The following CLCN2 variants were observed in gnomAD, a reference collection of about 807,000 sequenced individuals.
CLCN2 encodes the protein chloride voltage-gated channel 2.
In CLCN2, 72 loss-of-function variants were observed where a neutral mutation model predicts 108.3. The ratio of observed to expected loss-of-function variants is 0.66; its 90% CI spans 0.55 to 0.81. The LOEUF (loss-of-function observed/expected upper bound fraction) is 0.81, where lower values mean the gene tolerates loss of function less well. CLCN2 is among the 30% of genes least tolerant of loss of function. The probability of loss-of-function intolerance (pLI) is 0.00; values close to 1 mark genes in which losing one functional copy is unlikely to be tolerated. For missense variants in CLCN2, 1,048 were observed against 1,205.2 expected, an observed-to-expected ratio of 0.87 and a Z score of 1.93; for synonymous variants, 471 against 467.1, an observed-to-expected ratio of 1.01 and a Z score of -0.11.
chr3:184,355,636 G>C lies in CLCN2; in HGVS notation c.1170+58C>G. The C allele has an allele frequency of 6.2e-7, 1 of 1,604,600 alleles. No homozygotes were observed. The highest frequency in any genetic ancestry group is 8.5e-7 in the Non-Finnish European group (1 of 1,171,406). ...TCCCACAGTCACACTGGGGCTGTTG[G>C]CTTTGGAGGAATGCCTTCCAAGGGA... is the stretch of plus-strand genomic sequence containing the variant. On this transcript the variant is annotated intron_variant, in intron 11 of 23. Coordinates refer to ENST00000265593, the MANE Select transcript of CLCN2 (RefSeq NM_004366.6). The surrounding 1 kb of genome is among the most constrained non-coding windows in gnomAD (Gnocchi z 6.3).
chr3:184,346,846 C>T lies in CLCN2; in HGVS notation c.2503-46G>A. The T allele has an allele frequency of 6.2e-7, 1 of 1,612,916 alleles. No homozygotes were observed. The highest frequency in any genetic ancestry group is 8.5e-7 in the Non-Finnish European group (1 of 1,178,912). Reference sequence around the variant, plus strand: ...GATGTCTGGACCCAGATGTCAGACTCCTCCCCGCCTTCCTCCCCAGGTGAG... The same window carrying T: ...GATGTCTGGACCCAGATGTCAGACTTCTCCCCGCCTTCCTCCCCAGGTGAG... On this transcript the variant is annotated intron_variant, in intron 23 of 23. Transcript: ENST00000265593. This position sits in a 1 kb window ranked among gnomAD's most constrained non-coding sequence, Gnocchi z 6.0.
intron 10 of CLCN2, chr3:184,356,299 C>T (rs1728539614): frequency 5.2e-6 from 1 of 192,332 alleles, no homozygotes; most frequent in Admixed American, 5.3e-5. Flanking sequence ...GCCCTCCCCA[C>T]TCCCAATCCT....
rs748398635 is a variant in CLCN2, at chr3:184,357,288, G to A, written c.899-22C>T. 3.1e-6 allele frequency: 5 copies of A among 1,614,034 alleles called. No individual in the cohort carries two copies. In the South Asian group the frequency reaches 4.4e-5, roughly 14 times the overall value. On this transcript the variant is annotated intron_variant, in intron 8 of 23. Transcript: ENST00000265593. The stretch of plus-strand genomic sequence containing the variant: ...GTCTCTAAAGGGAAGAACAGCAGAG[G>A]GAGGCAGGCCTAGCCTCGTGGGCCC...
chr3:184,359,223 GC>G (rs1427036823), intron 1 of CLCN2, 92 bp from the exon 2 acceptor site: 1 of 1,461,606 alleles, frequency 6.8e-7, no homozygotes, highest in Non-Finnish European at 9.6e-7. Context: ...TCTTCTCCCA[GC>G]CCCCACACTG....
chr3:184,355,816 A>G lies in CLCN2; in HGVS notation c.1086-38T>C. 1 of 1,576,636 alleles carries G rather than the reference A, an allele frequency of 6.3e-7. No homozygotes were observed. The highest frequency in any genetic ancestry group is 8.7e-7 in the Non-Finnish European group (1 of 1,147,790). ...GTTTCACATCAGTCGTGGGTGGCCAAGGGCTGGGTGGCCTCGCATATCTCA... is the reference window on the plus strand; with the variant it reads ...GTTTCACATCAGTCGTGGGTGGCCAGGGGCTGGGTGGCCTCGCATATCTCA... On this transcript the variant is annotated intron_variant, in intron 10 of 23. Transcript: ENST00000265593. The surrounding 1 kb of genome is among the most constrained non-coding windows in gnomAD (Gnocchi z 6.3).
Position 184,354,669 on chromosome 3 carries a change from G to T in CLCN2, c.1397-11C>A, listed in dbSNP as rs199948879. ...GCCCAAATGCTGCTCCTTCAGGGAG[G>T]GGGGTGGGAAGAGAAAGAGGCAGTG... On this transcript the variant is annotated splice_polypyrimidine_tract_variant and intron_variant, in intron 13 of 23. Coordinates refer to ENST00000265593, the MANE Select transcript of CLCN2 (RefSeq NM_004366.6). The T allele has an allele frequency of 2.0e-6, 3 of 1,465,600 alleles. No individual in the cohort carries two copies. The highest frequency in any genetic ancestry group is 2.8e-6 in the Non-Finnish European group (3 of 1,076,116). The allele number at this position is 1,465,600 out of a possible 1,614,324, so 90.8% of individuals were successfully genotyped here. A position where few individuals can be genotyped will look rare whatever the true frequency, so the allele number is the denominator to read the frequency against.
At position 184,346,451 on chromosome 3, in the gene CLCN2, G is replaced by A. The variant is rs1727671186; in HGVS notation, c.*155C>T. 2 of 811,742 alleles carry A rather than the reference G, an allele frequency of 2.5e-6. No homozygotes were observed. Among genetic ancestry groups the A allele is most frequent in the South Asian group, 3.0e-5 (2 of 67,438 alleles). The allele number at this position is 811,742 out of a possible 1,614,324, so 50.3% of individuals were successfully genotyped here. A position where few individuals can be genotyped will look rare whatever the true frequency, so the allele number is the denominator to read the frequency against. On this transcript the variant is annotated 3_prime_UTR_variant, in exon 24 of 24. Transcript: ENST00000265593. This position sits in a 1 kb window ranked among gnomAD's most constrained non-coding sequence, Gnocchi z 6.0. ...TAGTGGGTCAGATTCCAGGTAGGAT[G>A]AACTGGGAGAAGCTGGCACCCCAGG...
chr3:184,346,672 C>G lies in CLCN2; in HGVS notation c.2631G>C (p.Gly877=). Residue 877 remains glycine, a synonymous_variant, in exon 24 of 24, where the codon GGG becomes GGC. Transcript: ENST00000265593. The surrounding 1 kb of genome is among the most constrained non-coding windows in gnomAD (Gnocchi z 6.0). ...GGGGGAGGCCATGACGGGAGTGGGGCCCCCAGAGTGCATGCACCTCAGTGG... is the reference window on the plus strand; with the variant it reads ...GGGGGAGGCCATGACGGGAGTGGGGGCCCCAGAGTGCATGCACCTCAGTGG... ...TETTEVHALW[G]PHSRHGLPRE... 6.2e-7 allele frequency: 1 copy of G among 1,614,112 alleles called. No homozygotes were observed. The highest frequency in any genetic ancestry group is 1.1e-5 in the South Asian group (1 of 91,084).
At chr3:184,348,641 A>G (rs961283418) in intron 22 of CLCN2, 1 of 152,118 alleles carries the variant, frequency 6.6e-6, no homozygotes, top group South Asian at 2.1e-4. Flanking sequence ...AAACGCTTTT[A>G]TTATAAGGCT....
rs1457106981 is a variant in CLCN2, at chr3:184,359,031, G to A, written c.164C>T (p.Ser55Phe). The A allele has an allele frequency of 6.2e-7, 1 of 1,613,616 alleles. No individual in the cohort carries two copies. The highest frequency in any genetic ancestry group is 1.7e-5 in the Admixed American group (1 of 60,026). ...TTCCAAGAGCTCTGGGGCAGCCCGA[G>A]AGGAAGGGGGACCTTTCCAGGGTTC... ...GPEPWKGPPS[S>F]RAAPELLEYG... The change falls in exon 2 of 24, where the codon TCT becomes TTT. Residue 55 changes from serine (S) to phenylalanine (F), a missense_variant. Transcript: ENST00000265593.
Position 184,346,511 on chromosome 3 carries a change from G to T in CLCN2, c.*95C>A. 6.9e-7 allele frequency: 1 copy of T among 1,452,122 alleles called. No individual in the cohort carries two copies. The highest frequency in any genetic ancestry group is 9.5e-7 in the Non-Finnish European group (1 of 1,049,086). The allele number at this position is 1,452,122 out of a possible 1,614,324, so 90.0% of individuals were successfully genotyped here. ...GGCTGGGGTGCAGCCTCCAGCTGTAGCTGCCTCCTGCCTTCCGAAGGCAGA... is the reference window on the plus strand; with the variant it reads ...GGCTGGGGTGCAGCCTCCAGCTGTATCTGCCTCCTGCCTTCCGAAGGCAGA... On this transcript the variant is annotated 3_prime_UTR_variant, in exon 24 of 24. Coordinates refer to ENST00000265593, the MANE Select transcript of CLCN2 (RefSeq NM_004366.6). This position sits in a 1 kb window ranked among gnomAD's most constrained non-coding sequence, Gnocchi z 6.0.
At chr3:184,353,611 G>C (rs1169474095) in intron 16 of CLCN2, 51 bp downstream of exon 16, 1 of 1,608,208 alleles carries the variant, frequency 6.2e-7, no homozygotes. Context: ...CCTTCCCGAA[G>C]CTTCGACCCT....
Position 184,352,299 on chromosome 3 carries a change from A to T in CLCN2, c.2304T>A (p.Pro768=), listed in dbSNP as rs913488427. 1.9e-6 allele frequency: 3 copies of T among 1,613,534 alleles called. No homozygotes were observed. The highest frequency in any genetic ancestry group is 1.7e-6 in the Non-Finnish European group (2 of 1,180,024). The change falls in exon 21 of 24, where the codon CCT becomes CCA. Residue 768 remains proline (P), a synonymous_variant. Coordinates refer to ENST00000265593, the MANE Select transcript of CLCN2 (RefSeq NM_004366.6). ...GAGTCCAGTGGCACCTTACCTCTTC[A>T]GGGCTCATCTCGCCTTCCAGGTCCG... ...SDADLEGEMS[P]EEILEWEEQQ...
intron 6 of CLCN2, 35 bp downstream of exon 6, chr3:184,357,744 C>T: frequency 6.2e-7 from 1 of 1,613,968 alleles, no homozygotes; most frequent in South Asian, 1.1e-5. Flanking sequence ...GGCTCAGCAG[C>T]CTCTGCCCCC....
chr3:184,354,406 T>G, intron 14 of CLCN2, 92 bp from the exon 15 acceptor site: 2 of 1,388,828 alleles, frequency 1.4e-6, no homozygotes, highest in Non-Finnish European at 2.0e-6. Context: ...CCCTCAGGGC[T>G]GCCCAATACA....
intron 4 of CLCN2, 23 bp from the exon 5 acceptor site, chr3:184,358,118 A>G (rs1164894700): frequency 6.2e-7 from 1 of 1,614,032 alleles, no homozygotes; most frequent in Admixed American, 1.7e-5. Context: ...CAGTCTCAGG[A>G]GAGGCATTCG....
Position 184,357,041 on chromosome 3 carries a change from A to T in CLCN2, c.1037T>A (p.Val346Asp). Residue 346 changes from valine to aspartate, a missense_variant, in exon 10 of 24, where the codon GTC becomes GAC. Physicochemically the swap from Val to Asp is radical, Grantham distance 152. Transcript: ENST00000265593. ...GGTTTTCTGCTTCCGCATCACCTGG[A>T]CAATCTTCCGGTTCAGGTAGACAAA... Reference protein sequence around the residue: ...ALFVYLNRKIVQVMRKQKTIN... With the variant: ...ALFVYLNRKIDQVMRKQKTIN... The T allele has an allele frequency of 6.2e-7, 1 of 1,613,920 alleles. No homozygotes were observed. Among genetic ancestry groups the T allele is most frequent in the Non-Finnish European group, 8.5e-7 (1 of 1,179,948 alleles).
chr3:184,353,199 A>T (rs1294934740), intron 17 of CLCN2, 51 bp downstream of exon 17: 2 of 1,610,106 alleles, frequency 1.2e-6, no homozygotes. Context: ...CCACCCTCCC[A>T]ATCAGTCTAC....
At chr3:184,356,077 C>T (rs2108569316) in intron 10 of CLCN2, 1 of 422,758 alleles carries the variant, frequency 2.4e-6, no homozygotes, top group East Asian at 5.1e-5. Context: ...GTTGTTATTC[C>T]ACCCTCCACC....
Sources: gnomAD v4.1 joint callset for allele counts on GRCh38, gnomAD v4.1.1 for gene constraint, Gnocchi (gnomAD v3.1) non-coding constraint, MANE v1.5 for transcripts, NCBI Gene and HGNC (gene_info 2026-07-23, HGNC 2026-07-21) for gene names.